The following IQGAP2 variants were observed in gnomAD, a reference collection of about 807,000 sequenced individuals.
IQGAP2 encodes ras GTPase-activating-like protein IQGAP2.
In IQGAP2, 173 loss-of-function variants were observed where a neutral mutation model predicts 201.3. That is an observed-to-expected ratio of 0.86 (90% confidence interval 0.76 to 0.98). The LOEUF is 0.98. Among genes scored for constraint, IQGAP2 ranks in the 50% least tolerant of loss-of-function variants. IQGAP2 has a pLI of 0.00. For synonymous variants in IQGAP2, 675 were observed against 673.9 expected (o/e 1.00, Z -0.03); for missense variants, 1,687 against 1,864.8 (o/e 0.90, Z 1.76).
chr5:76,511,975 A>G (rs4544808), intron 2 of IQGAP2, among the ~76,000 whole-genome samples: 1 of 151,854 alleles, frequency 6.6e-6, no homozygotes, highest in African/African-American at 2.4e-5. Flanking sequence ...CCACCGCGCC[A>G]GGCCTTAAAT....
chr5:76,436,897 T>C (rs922569525), intron 1 of IQGAP2, among the ~76,000 whole-genome samples: 5 of 152,072 alleles, frequency 3.3e-5, no homozygotes, highest in Non-Finnish European at 7.4e-5. Context: ...CATACATTTA[T>C]ATGTTTATGT....
intron 1 of IQGAP2, among the ~76,000 whole-genome samples, 187 bp from the exon 2 acceptor site, chr5:76,461,383 A>AT (rs1491186094): frequency 2.7e-5 from 4 of 147,196 alleles, no homozygotes; most frequent in Admixed American, 6.9e-5. Context: ...AAAAAAAAAT[A>AT]AAAATAAAGG....
chr5:76,563,380 G>A (rs996686513), intron 3 of IQGAP2, among the ~76,000 whole-genome samples: 1 of 152,156 alleles, frequency 6.6e-6, no homozygotes, highest in Non-Finnish European at 1.5e-5. Context: ...ACATATCAAA[G>A]TATTTACAGA....
At chr5:76,546,361 G>A (rs1743095927) in intron 2 of IQGAP2, among the ~76,000 whole-genome samples, 1 of 152,138 alleles carries the variant, frequency 6.6e-6, no homozygotes, top group Non-Finnish European at 1.5e-5. Context: ...CTCGAACCTG[G>A]GAGGCAGAGG....
chr5:76,674,815 G>A, intron 27 of IQGAP2, 106 bp downstream of exon 27: 1 of 771,246 alleles, frequency 1.3e-6, no homozygotes, highest in South Asian at 1.7e-5. Context: ...GGAACCCCAG[G>A]TGGTTACAAG....
chr5:76,503,174 C>CTTTTTTTTTTTTTTTTTTTTTTT (rs11297908), intron 2 of IQGAP2, among the ~76,000 whole-genome samples: 12 of 109,354 alleles, frequency 1.1e-4, no homozygotes, highest in Non-Finnish European at 1.6e-4. Context: ...CTTTTCTTTT[C>CTTTTTTTTTTTTTTTTTTTTTTT]TTTTTTTTTT....
At position 76,519,201 on chromosome 5, in the gene IQGAP2, G is replaced by T. The variant is rs201079291; in HGVS notation, c.147-43195G>T. On this transcript the variant is annotated intron_variant, in intron 2 of 35. Coordinates refer to ENST00000274364, the MANE Select transcript of IQGAP2 (RefSeq NM_006633.5). ...TACATTATTCCTAAAAGTAGCCCTTGTGCTACTTCTCAGTAATTAAGCACA... is the reference window on the plus strand; with the variant it reads ...TACATTATTCCTAAAAGTAGCCCTTTTGCTACTTCTCAGTAATTAAGCACA... Among the ~76,000 whole-genome samples the T allele has an allele frequency of 3.3e-5, 5 of 152,246 alleles. No individual in the cohort carries two copies. The East Asian group carries it at 9.6e-4, about 29-fold the overall frequency.
chr5:76,534,281 T>C (rs899296189), intron 2 of IQGAP2, among the ~76,000 whole-genome samples: 18 of 152,162 alleles, frequency 1.2e-4, no homozygotes, highest in Non-Finnish European at 4.4e-5. Context: ...TGACAGATAA[T>C]TGCTAAACAT....
In IQGAP2 at chr5:76,671,802, A is replaced by G. The variant is rs756692625; in HGVS notation, c.2887A>G (p.Thr963Ala). The change falls in exon 24 of 36, where the codon ACA becomes GCA. Residue 963 changes from threonine to alanine, a missense_variant. Thr to Ala is a moderately conservative substitution (Grantham distance 58). Transcript: ENST00000274364. ...ACAGGACATAGTTACTGGTAACCCT[A>G]CAGTCATCAAGATGGTCGTCAGCTT... ...QVQDIVTGNP[T>A]VIKMVVSFNR... 12 of 1,613,918 alleles carry G rather than the reference A, an allele frequency of 7.4e-6. No individual in the cohort carries two copies. The African/African-American group carries it at 1.3e-4, about 18-fold the overall frequency.
intron 15 of IQGAP2, among the ~76,000 whole-genome samples, chr5:76,633,047 T>C (rs1029964932): frequency 3.9e-5 from 6 of 152,182 alleles, no homozygotes; most frequent in Non-Finnish European, 7.4e-5. Flanking sequence ...TCATCCTTCA[T>C]TGGGAAAGAA....
At chr5:76,431,222 T>G (rs1390536566) in intron 1 of IQGAP2, among the ~76,000 whole-genome samples, 1 of 152,040 alleles carries the variant, frequency 6.6e-6, no homozygotes, top group African/African-American at 2.4e-5. Flanking sequence ...TGTTTAAATT[T>G]TTAGATGTAT....
intron 9 of IQGAP2, among the ~76,000 whole-genome samples, chr5:76,594,319 A>G (rs1283180698): frequency 6.6e-6 from 1 of 152,242 alleles, no homozygotes; most frequent in Non-Finnish European, 1.5e-5. Context: ...TTTTTGAAAT[A>G]TTTATAACCA....
intron 17 of IQGAP2, among the ~76,000 whole-genome samples, chr5:76,644,966 A>G (rs2150411266): frequency 2.0e-5 from 3 of 152,240 alleles, no homozygotes; most frequent in African/African-American, 7.2e-5. Context: ...CACCATCTAG[A>G]TTAGGTATTT....
rs1742958128 is a variant in IQGAP2, at chr5:76,658,498, T to C, written c.2360T>C (p.Phe787Ser). The change falls in exon 21 of 36, where the codon TTT becomes TCT. Residue 787 changes from phenylalanine (F) to serine (S), a missense_variant. By Grantham distance (155) the Phe-to-Ser change is radical. Transcript: ENST00000274364. ...CCACCATTAACAGTAATTCGCAAAT[T>C]TGTATACCTGCTGGACCAAAGTGAT... ...ENPPLTVIRK[F>S]VYLLDQSDLD... is the part of the protein sequence containing the mutation. 2 of 1,613,968 alleles carry C rather than the reference T, an allele frequency of 1.2e-6. No homozygotes were observed. The highest frequency in any genetic ancestry group is 1.1e-5 in the South Asian group (1 of 91,010).
chr5:76,650,451 T>A (rs772374985), intron 17 of IQGAP2, among the ~76,000 whole-genome samples: 109 of 152,298 alleles, frequency 7.2e-4, no homozygotes, highest in Middle Eastern at 3.4e-3. Context: ...AGGTACAGAT[T>A]GTTTGCATAG....
At chr5:76,543,473 A>C (rs1047124030) in intron 2 of IQGAP2, among the ~76,000 whole-genome samples, 4 of 152,248 alleles carry the variant, frequency 2.6e-5, no homozygotes, top group Non-Finnish European at 5.9e-5. Context: ...ACTCTCAGGC[A>C]TCACGGCCCT....
intron 32 of IQGAP2, among the ~76,000 whole-genome samples, 169 bp downstream of exon 32, chr5:76,695,835 C>CTTTTTTTTTTTTTTTTT (rs56984768): frequency 1.2e-5 from 1 of 83,092 alleles, no homozygotes; most frequent in Non-Finnish European, 2.1e-5. Context: ...CAGTTGATGA[C>CTTTTTTTTTTTTTTTTT]TTTTTTTTTT....
chr5:76,669,402 T>C (rs1026043349), intron 23 of IQGAP2, among the ~76,000 whole-genome samples: 1 of 152,200 alleles, frequency 6.6e-6, no homozygotes, highest in Non-Finnish European at 1.5e-5. Context: ...CAGGCACCTC[T>C]GCCCACCAGG....
chr5:76,492,807 G>A (rs1756638625), intron 2 of IQGAP2, among the ~76,000 whole-genome samples: 1 of 152,196 alleles, frequency 6.6e-6, no homozygotes, highest in South Asian at 2.1e-4. Flanking sequence ...AGTCCCATGT[G>A]CCAGGCCATG....
Sources: gnomAD v4.1 joint callset for allele counts (sites outside exome capture counted in the v4.1 genomes callset) on GRCh38, gnomAD v4.1.1 for gene constraint, MANE v1.5 for transcripts, NCBI Gene and HGNC (gene_info 2026-07-23, HGNC 2026-07-21) for gene names.